Variants in PCDH9 observed in about 807,000 individuals in gnomAD.
The protein encoded by PCDH9 is protocadherin 9, also known as protocadherin-9.
Under a neutral mutation model 70.6 loss-of-function variants are expected in PCDH9, and 24 were observed. That is an observed-to-expected ratio of 0.34 (90% CI 0.25 to 0.48). The LOEUF is 0.48. PCDH9 is among the 20% of genes least tolerant of loss of function. The pLI is 0.99. For missense variants in PCDH9, 1,281 were observed against 1,503.6 expected, an observed-to-expected ratio of 0.85 and a Z score of 2.45; for synonymous variants, 562 against 558.5, an observed-to-expected ratio of 1.01 and a Z score of -0.09.
intron 4 of PCDH9, among the ~76,000 whole-genome samples, chr13:66,588,213 T>C (rs2076989281): frequency 6.6e-6 from 1 of 151,442 alleles, no homozygotes; most frequent in Non-Finnish European, 1.5e-5. Context: ...ATGACGGAGA[T>C]ACCCCCTGAT....
chr13:66,794,386 G>A (rs2080207029), intron 3 of PCDH9, among the ~76,000 whole-genome samples: 1 of 152,084 alleles, frequency 6.6e-6, no homozygotes. Context: ...CAGTTACTTA[G>A]GTTTGAAGAA....
At chr13:66,921,591 T>A (rs1278726768) in intron 2 of PCDH9, among the ~76,000 whole-genome samples, 2 of 151,330 alleles carry the variant, frequency 1.3e-5, no homozygotes, top group Non-Finnish European at 3.0e-5. Flanking sequence ...CACACACACA[T>A]ATGTCATGAA....
intron 2 of PCDH9, among the ~76,000 whole-genome samples, chr13:67,012,558 T>C (rs1308916846): frequency 6.6e-6 from 1 of 151,984 alleles, no homozygotes; most frequent in Non-Finnish European, 1.5e-5. Flanking sequence ...TTCTGAATCA[T>C]TGTTCCACCC....
chr13:66,534,792 G>A (rs923645006), intron 4 of PCDH9, among the ~76,000 whole-genome samples: 2 of 151,998 alleles, frequency 1.3e-5, no homozygotes, highest in Non-Finnish European at 2.9e-5. Context: ...CATCAAGGCC[G>A]ACAACCTTTT....
intron 4 of PCDH9, among the ~76,000 whole-genome samples, chr13:66,418,669 T>C (rs547183261): frequency 1.3e-5 from 2 of 151,608 alleles, no homozygotes; most frequent in East Asian, 1.9e-4. Flanking sequence ...CCTAAAATCA[T>C]AATTAAAAGA....
At chr13:66,461,070 C>T (rs1958415352) in intron 4 of PCDH9, among the ~76,000 whole-genome samples, 1 of 151,738 alleles carries the variant, frequency 6.6e-6, no homozygotes, top group Non-Finnish European at 1.5e-5. Context: ...TATCCTCCTC[C>T]CTTCCAGTGC....
intron 2 of PCDH9, among the ~76,000 whole-genome samples, chr13:67,060,394 T>C (rs1046013998): frequency 6.6e-6 from 1 of 152,084 alleles, no homozygotes; most frequent in Non-Finnish European, 1.5e-5. Flanking sequence ...AACTCTAGGA[T>C]TTCTTCAACC....
At chr13:67,145,600 C>CA (rs58802515) in intron 2 of PCDH9, among the ~76,000 whole-genome samples, 55,561 of 151,402 alleles carry the variant, frequency 0.37, 11,208 homozygotes, top group East Asian at 0.6. Flanking sequence ...GTAGACTATA[C>CA]AAAAAAACCC....
At chr13:66,811,190 T>C (rs2080499010) in intron 3 of PCDH9, among the ~76,000 whole-genome samples, 1 of 152,170 alleles carries the variant, frequency 6.6e-6, no homozygotes, top group Non-Finnish European at 1.5e-5. Context: ...AGAATGCTGA[T>C]TTCAATTATT....
At chr13:66,373,359 TGTC>T (rs960228687) in intron 4 of PCDH9, among the ~76,000 whole-genome samples, 6 of 151,844 alleles carry the variant, frequency 4.0e-5, no homozygotes, top group African/African-American at 1.4e-4. Flanking sequence ...AATGGGAAAT[TGTC>T]GTTTAATGGG....
chr13:66,721,555 C>G (rs947249340), intron 3 of PCDH9, among the ~76,000 whole-genome samples: 1 of 151,816 alleles, frequency 6.6e-6, no homozygotes, highest in Non-Finnish European at 1.5e-5. Flanking sequence ...TTTTTTCTTA[C>G]TGTAGCATGA....
chr13:66,618,351 C>G (rs1203440975), intron 4 of PCDH9, among the ~76,000 whole-genome samples: 1 of 152,142 alleles, frequency 6.6e-6, no homozygotes, highest in Non-Finnish European at 1.5e-5. Context: ...GTCAGCCACA[C>G]TAATATGCGT....
At chr13:67,020,088 T>C (rs1169947765) in intron 2 of PCDH9, among the ~76,000 whole-genome samples, 1 of 152,244 alleles carries the variant, frequency 6.6e-6, no homozygotes, top group African/African-American at 2.4e-5. Context: ...AGAATGAGCA[T>C]GTATCAAGTT....
chr13:66,555,641 C>T (rs1213944768), intron 4 of PCDH9, among the ~76,000 whole-genome samples: 2 of 137,872 alleles, frequency 1.5e-5, no homozygotes, highest in East Asian at 2.2e-4. Context: ...GAGGGTAGGG[C>T]TTTTGACATT....
intron 3 of PCDH9, among the ~76,000 whole-genome samples, chr13:66,712,801 C>CCAAAG: frequency 6.6e-6 from 1 of 152,034 alleles, no homozygotes; most frequent in Admixed American, 6.6e-5. Context: ...ATTGGCTTTT[C>CCAAAG]CTGCACAAAC....
intron 2 of PCDH9, among the ~76,000 whole-genome samples, chr13:67,105,297 A>T (rs2086516614): frequency 6.6e-6 from 1 of 152,184 alleles, no homozygotes. Context: ...AATTTAGTAA[A>T]ATAAAATAAT....
chr13:66,794,472 T>A (rs2080208640), intron 3 of PCDH9, among the ~76,000 whole-genome samples: 1 of 152,200 alleles, frequency 6.6e-6, no homozygotes, highest in African/African-American at 2.4e-5. Flanking sequence ...GTCTTTTTAC[T>A]TCAGTGCCAG....
At chr13:66,334,137 C>A (rs1955989992) in intron 4 of PCDH9, among the ~76,000 whole-genome samples, 1 of 152,028 alleles carries the variant, frequency 6.6e-6, no homozygotes, top group South Asian at 2.1e-4. Flanking sequence ...CTACTTATTT[C>A]TTCTATCAAA....
chr13:66,846,488 T>C (rs2081212522), intron 3 of PCDH9, among the ~76,000 whole-genome samples: 2 of 152,170 alleles, frequency 1.3e-5, no homozygotes, highest in Admixed American at 1.3e-4. Context: ...CCTAAAATAA[T>C]GTAAATATTT....
Sources: allele counts gnomAD v4.1 joint callset (sites outside exome capture counted in the v4.1 genomes callset), GRCh38; gene constraint gnomAD v4.1.1; transcripts MANE v1.5; gene names NCBI Gene and HGNC (gene_info 2026-07-23, HGNC 2026-07-21).